BRINP3: variants seen among roughly 807,000 people sequenced by gnomAD.
The protein encoded by BRINP3 is BMP/retinoic acid-inducible neural-specific protein 3.
A neutral mutation model predicts 71.0 loss-of-function variants in BRINP3; 19 were observed. The ratio of observed to expected loss-of-function variants is 0.27; its 90% CI spans 0.19 to 0.39. BRINP3 has a LOEUF of 0.39. Among genes scored for constraint, BRINP3 ranks in the 10% least tolerant of loss-of-function variants. BRINP3 has a pLI of 1.00. For synonymous variants in BRINP3, 380 were observed against 337.7 expected (o/e 1.13, Z -1.37); for missense variants, 959 against 940.8 (o/e 1.02, Z -0.25).
chr1:190,475,550 C>T (rs1414131662), intron 1 of BRINP3, among the ~76,000 whole-genome samples: 2 of 152,142 alleles, frequency 1.3e-5, no homozygotes, highest in Non-Finnish European at 2.9e-5. Context: ...TGGGTTATTC[C>T]CACATCAACA....
At chr1:190,179,518 A>G (rs1031929537) in intron 6 of BRINP3, among the ~76,000 whole-genome samples, 2 of 151,960 alleles carry the variant, frequency 1.3e-5, no homozygotes, top group Non-Finnish European at 2.9e-5. Flanking sequence ...TTGACTTTCC[A>G]TTTTTTCTAC....
intron 2 of BRINP3, among the ~76,000 whole-genome samples, chr1:190,451,270 A>G (rs1255802850): frequency 3.9e-5 from 6 of 152,194 alleles, no homozygotes; most frequent in Non-Finnish European, 7.3e-5. Context: ...GAAAGTTGCC[A>G]GCCTCTGACC....
At chr1:190,193,299 T>G (rs1012536199) in intron 6 of BRINP3, among the ~76,000 whole-genome samples, 3 of 152,016 alleles carry the variant, frequency 2.0e-5, no homozygotes, top group Admixed American at 2.0e-4. Context: ...TTAGAAGAGA[T>G]GAGAGGTAAT....
At chr1:190,131,749 T>A (rs543432525) in intron 7 of BRINP3, among the ~76,000 whole-genome samples, 1 of 152,114 alleles carries the variant, frequency 6.6e-6, no homozygotes, top group Non-Finnish European at 1.5e-5. Flanking sequence ...CAGCTCTCCA[T>A]GATCTTGCTC....
chr1:190,159,941 G>C (rs887112651), intron 7 of BRINP3, among the ~76,000 whole-genome samples: 10 of 152,024 alleles, frequency 6.6e-5, no homozygotes, highest in African/African-American at 2.4e-4. Context: ...TCATCTTAAT[G>C]ATTTAAGCAC....
In BRINP3 at chr1:190,452,331, C is replaced by T. The variant is rs930577572; in HGVS notation, c.236+2324G>A. On this transcript the variant is annotated intron_variant, in intron 2 of 7. Transcript: ENST00000367462. ...GGTTTTATAAGAAGTTGTAACCTAG[C>T]TCCATTGTTTATAAATGGATTTAAT... Among the ~76,000 whole-genome samples, 3 of 152,142 alleles carry T rather than the reference C, an allele frequency of 2.0e-5. 1 individual carries two copies.
At chr1:190,250,518 G>C (rs1184890620) in intron 4 of BRINP3, among the ~76,000 whole-genome samples, 1 of 151,904 alleles carries the variant, frequency 6.6e-6, no homozygotes, top group Admixed American at 6.6e-5. Context: ...TGATAAGCCT[G>C]TCCTTTATGT....
intron 2 of BRINP3, among the ~76,000 whole-genome samples, chr1:190,398,711 T>C: frequency 6.6e-6 from 1 of 152,072 alleles, no homozygotes; most frequent in South Asian, 2.1e-4. Context: ...GTTTTATGTT[T>C]ACATTTTATT....
At chr1:190,407,175 G>A (rs1279557897) in intron 2 of BRINP3, among the ~76,000 whole-genome samples, 1 of 152,140 alleles carries the variant, frequency 6.6e-6, no homozygotes. Context: ...AGGCTTAGTA[G>A]AAATAGTAGT....
intron 2 of BRINP3, among the ~76,000 whole-genome samples, chr1:190,327,285 G>A: frequency 7.8e-6 from 1 of 127,934 alleles, no homozygotes. Flanking sequence ...ATTGTACTCT[G>A]GCCTGGGCAA....
intron 1 of BRINP3, among the ~76,000 whole-genome samples, chr1:190,466,664 T>G (rs1355836915): frequency 6.6e-6 from 1 of 151,630 alleles, no homozygotes; most frequent in Non-Finnish European, 1.5e-5. Context: ...CTTGTCTTCT[T>G]ACTGGTTACA....
intron 2 of BRINP3, among the ~76,000 whole-genome samples, chr1:190,287,728 T>C (rs1434845759): frequency 6.6e-6 from 1 of 152,284 alleles, no homozygotes; most frequent in East Asian, 1.9e-4. Flanking sequence ...GAATTAATTG[T>C]AGCTGTAACC....
At chr1:190,184,685 T>C (rs1653351133) in intron 6 of BRINP3, among the ~76,000 whole-genome samples, 1 of 152,098 alleles carries the variant, frequency 6.6e-6, no homozygotes, top group South Asian at 2.1e-4. Context: ...GAGCTAAACT[T>C]TGGGCACTCA....
intron 6 of BRINP3, among the ~76,000 whole-genome samples, chr1:190,189,262 C>G (rs867133339): frequency 6.6e-6 from 1 of 152,030 alleles, no homozygotes; most frequent in Non-Finnish European, 1.5e-5. Context: ...AACAGTGAAA[C>G]CATCAGGTTT....
intron 2 of BRINP3, among the ~76,000 whole-genome samples, chr1:190,448,110 C>T (rs955993602): frequency 6.6e-6 from 1 of 151,362 alleles, no homozygotes; most frequent in African/African-American, 2.4e-5. Context: ...AAAGAATTTC[C>T]TATTGTATTG....
intron 4 of BRINP3, among the ~76,000 whole-genome samples, chr1:190,256,869 C>G (rs542076201): frequency 2.9e-4 from 44 of 152,236 alleles, no homozygotes; most frequent in African/African-American, 1.0e-3. Context: ...TTTAGTCTGA[C>G]GTGCTACCCT....
chr1:190,306,665 T>C (rs899690885), intron 2 of BRINP3, among the ~76,000 whole-genome samples: 1 of 148,018 alleles, frequency 6.8e-6, no homozygotes, highest in African/African-American at 2.5e-5. Context: ...GATGGATCAG[T>C]TTTTTTTTTA....
At chr1:190,266,524 A>G (rs1004848818) in intron 3 of BRINP3, among the ~76,000 whole-genome samples, 1 of 152,224 alleles carries the variant, frequency 6.6e-6, no homozygotes, top group African/African-American at 2.4e-5. Flanking sequence ...ATCATCAACA[A>G]TATTAGGTAG....
chr1:190,272,776 A>G (rs1662220837), intron 3 of BRINP3, among the ~76,000 whole-genome samples: 1 of 151,498 alleles, frequency 6.6e-6, no homozygotes, highest in African/African-American at 2.4e-5. Flanking sequence ...GTTCTTCTCT[A>G]CAGTATAATT....
Sources: allele counts gnomAD v4.1 joint callset (sites outside exome capture counted in the v4.1 genomes callset), GRCh38; gene constraint gnomAD v4.1.1; transcripts MANE v1.5; gene names NCBI Gene and HGNC (gene_info 2026-07-23, HGNC 2026-07-21).